Variants in RFC5 observed in about 807,000 individuals in gnomAD.
RFC5 encodes the protein A1 36 kDa subunit.
RFC5 carries 26 observed loss-of-function variants against 44.3 expected under a neutral mutation model. The observed-to-expected ratio is 0.59, with a 90% CI of 0.43 to 0.81. RFC5 has a LOEUF of 0.81. Among genes scored for constraint, RFC5 ranks in the 40% least tolerant of loss-of-function variants. The probability of loss-of-function intolerance (pLI) is 0.00; values close to 1 mark genes in which losing one functional copy is unlikely to be tolerated. For synonymous variants in RFC5, 155 were observed against 155.2 expected, an observed-to-expected ratio of 1.00 and a Z score of 0.01; for missense variants, 328 against 418.6, an observed-to-expected ratio of 0.78 and a Z score of 1.89.
the RFC5 span, among the ~76,000 whole-genome samples, chr12:118,041,273 C>A: frequency 6.6e-6 from 1 of 151,996 alleles, no homozygotes; most frequent in Non-Finnish European, 1.5e-5. Flanking sequence ...GGGATTAGTG[C>A]CCTTAGAAGA....
At chr12:118,025,371 A>T in intron 6 of RFC5, 2 of 320,374 alleles carry the variant, frequency 6.2e-6, no homozygotes, top group Non-Finnish European at 1.2e-5. Context: ...CATTCTGTGT[A>T]GTCAGATGCC....
intron 1 of RFC5, among the ~76,000 whole-genome samples, chr12:118,018,733 C>T (rs966803507): frequency 1.3e-5 from 2 of 152,092 alleles, no homozygotes; most frequent in African/African-American, 4.8e-5. Flanking sequence ...CCCCAGCCTT[C>T]GGGGTAGCTG....
chr12:118,018,444 G>A (rs1221811424), intron 1 of RFC5, among the ~76,000 whole-genome samples: 4 of 152,154 alleles, frequency 2.6e-5, no homozygotes, highest in Non-Finnish European at 2.9e-5. Flanking sequence ...TACACACTGA[G>A]TGCCATAGGA....
chr12:118,035,349 C>A (rs767355073), downstream of RFC5: 1 of 1,607,030 alleles, frequency 6.2e-7, no homozygotes, highest in South Asian at 1.1e-5. Flanking sequence ...AACAGGATGG[C>A]AGGCCTGGAG....
At chr12:118,029,417 C>T (rs1285681938) in intron 9 of RFC5, among the ~76,000 whole-genome samples, 2 of 152,154 alleles carry the variant, frequency 1.3e-5, no homozygotes, top group Admixed American at 6.6e-5. Flanking sequence ...AGTGAGACCC[C>T]GTCTCAAAAT....
chr12:118,035,107 G>A (rs751498935), downstream of RFC5: 2 of 1,613,882 alleles, frequency 1.2e-6, no homozygotes, highest in Non-Finnish European at 1.7e-6. Flanking sequence ...GATGGGGAGA[G>A]AGAACATCTG....
intron 6 of RFC5, 133 bp downstream of exon 6, chr12:118,025,143 G>T: frequency 1.4e-6 from 1 of 693,868 alleles, no homozygotes. Context: ...GGGAGGCACT[G>T]GGGACCGTCC....
chr12:118,030,920 C>A (rs2137746015), intron 10 of RFC5, among the ~76,000 whole-genome samples: 2 of 152,322 alleles, frequency 1.3e-5, no homozygotes, highest in Middle Eastern at 6.8e-3. Flanking sequence ...TGTGAACCAC[C>A]ACGCCCGGCC....
Position 118,019,005 on chromosome 12 carries a change from G to T in RFC5, c.66-67G>T. ...TGAGCCACTGTGCCTGACCTGCAAG[G>T]ATTCTTTTGCACATAAAATATTCTT... On this transcript the variant is annotated intron_variant, in intron 1 of 10. Coordinates refer to ENST00000454402, the MANE Select transcript of RFC5 (RefSeq NM_007370.7). This position sits in a 1 kb window ranked among gnomAD's most constrained non-coding sequence, Gnocchi z 4.2. The T allele has an allele frequency of 1.6e-6, 2 of 1,231,868 alleles. No individual in the cohort carries two copies. Among genetic ancestry groups the T allele is most frequent in the Non-Finnish European group, 1.2e-6 (1 of 839,500 alleles). The allele number at this position is 1,231,868 out of a possible 1,614,324, so 76.3% of individuals were successfully genotyped here.
intron 9 of RFC5, among the ~76,000 whole-genome samples, 172 bp from the exon 10 acceptor site, chr12:118,029,599 A>G (rs967908424): frequency 6.6e-6 from 1 of 152,160 alleles, no homozygotes; most frequent in African/African-American, 2.4e-5. Flanking sequence ...GTGGGTAAAA[A>G]GTATGAAACC....
At chr12:118,034,936 G>A (rs139786952), downstream of RFC5, 36 of 1,560,224 alleles carry the variant, frequency 2.3e-5, no homozygotes, top group African/African-American at 3.4e-4. Context: ...AAGCTCCATG[G>A]TATACTCAGC....
intron 5 of RFC5, among the ~76,000 whole-genome samples, chr12:118,023,218 A>T (rs2030637586): frequency 6.6e-6 from 1 of 151,402 alleles, no homozygotes; most frequent in Admixed American, 6.6e-5. Flanking sequence ...TGGCAGCGGG[A>T]GGGACAGCAC....
intron 7 of RFC5, among the ~76,000 whole-genome samples, chr12:118,026,543 G>A (rs567098218): frequency 1.3e-5 from 2 of 152,282 alleles, no homozygotes; most frequent in South Asian, 4.1e-4. Flanking sequence ...AGGCTACAGT[G>A]AGCCATGATC....
chr12:118,024,979 C>G lies in RFC5; in HGVS notation c.550C>G (p.Pro184Ala), dbSNP rs1402953647. 9 of 1,613,950 alleles carry G rather than the reference C, an allele frequency of 5.6e-6. No individual in the cohort carries two copies. Among genetic ancestry groups the G allele is most frequent in the African/African-American group, 1.3e-5 (1 of 75,024 alleles). Residue 184 changes from proline (P) to alanine (A), a missense_variant, in exon 6 of 11, where the codon CCC (proline) becomes GCC (alanine). Pro to Ala is a conservative substitution (Grantham distance 27). Transcript: ENST00000454402. ...TCCCCTGACTCCTGAACTCATGGTTCCCCGCCTGGAACATGTCGTGGAAGA... is the reference window on the plus strand; with the variant it reads ...TCCCCTGACTCCTGAACTCATGGTTGCCCGCCTGGAACATGTCGTGGAAGA... Reference protein sequence around the residue: ...FGPLTPELMVPRLEHVVEEEK... With the variant: ...FGPLTPELMVARLEHVVEEEK...
At chr12:118,029,260 A>C (rs1440154916) in intron 9 of RFC5, among the ~76,000 whole-genome samples, 1 of 150,198 alleles carries the variant, frequency 6.7e-6, no homozygotes, top group Admixed American at 6.7e-5. Context: ...TCTCTACAAA[A>C]AGTACAAAAC....
chr12:118,030,055 C>T (rs5745883), intron 10 of RFC5, among the ~76,000 whole-genome samples: 10 of 152,130 alleles, frequency 6.6e-5, no homozygotes, highest in African/African-American at 2.4e-4. Context: ...AGATGAAGGC[C>T]TCTCCTTGGA....
chr12:118,026,508 A>G (rs1593448839), intron 7 of RFC5, among the ~76,000 whole-genome samples: 1 of 152,170 alleles, frequency 6.6e-6, no homozygotes, highest in Non-Finnish European at 1.5e-5. Flanking sequence ...CTGAGGCAGG[A>G]GGGTGACTTG....
chr12:118,024,123 T>TGAGGTCAG (rs2030753608), intron 5 of RFC5, among the ~76,000 whole-genome samples: 1 of 151,938 alleles, frequency 6.6e-6, no homozygotes, highest in South Asian at 2.1e-4. Context: ...GGGCGAATCA[T>TGAGGTCAG]GAGGTCAGGA....
downstream of RFC5, among the ~76,000 whole-genome samples, chr12:118,036,818 T>C (rs1032011248): frequency 6.6e-6 from 1 of 152,232 alleles, no homozygotes; most frequent in African/African-American, 2.4e-5. Context: ...TTCTGAGTCC[T>C]GTTTGCCAAT....
Sources: gnomAD v4.1 joint callset for allele counts (sites outside exome capture counted in the v4.1 genomes callset) on GRCh38, gnomAD v4.1.1 for gene constraint, Gnocchi (gnomAD v3.1) non-coding constraint, MANE v1.5 for transcripts, NCBI Gene and HGNC (gene_info 2026-07-23, HGNC 2026-07-21) for gene names.